The following PCED1B variants were observed in gnomAD, a reference collection of about 807,000 sequenced individuals.
The protein encoded by PCED1B is PC-esterase domain-containing protein 1B.
For missense variants in PCED1B, 573 were observed against 573.9 expected (o/e 1.00, Z 0.02); for synonymous variants, 251 against 246.1 (o/e 1.02, Z -0.19).
At chr12:47,225,438 T>A (rs1426513907) in intron 3 of PCED1B, among the ~76,000 whole-genome samples, 1 of 152,220 alleles carries the variant, frequency 6.6e-6, no homozygotes, top group Non-Finnish European at 1.5e-5. Context: ...CACAAGTCAC[T>A]AAGTTTTCCC....
intron 2 of PCED1B, among the ~76,000 whole-genome samples, chr12:47,162,896 C>T (rs1281790805): frequency 3.3e-5 from 5 of 152,094 alleles, no homozygotes; most frequent in Admixed American, 6.5e-5. Context: ...TTTGCAAGAT[C>T]GCTTTGGCTA....
chr12:47,150,944 T>TATATTAATTTA (rs1940969177), intron 2 of PCED1B, among the ~76,000 whole-genome samples: 1 of 152,132 alleles, frequency 6.6e-6, no homozygotes, highest in East Asian at 1.9e-4. Context: ...TTTTTTAAAT[T>TATATTAATTTA]AATATAAATG....
chr12:47,221,610 C>A (rs532089785), intron 3 of PCED1B, among the ~76,000 whole-genome samples: 3 of 152,222 alleles, frequency 2.0e-5, no homozygotes, highest in Admixed American at 6.5e-5. Context: ...ATATTTCCAC[C>A]CAATTATGTA....
intron 2 of PCED1B, among the ~76,000 whole-genome samples, chr12:47,128,092 T>C (rs1054765183): frequency 6.6e-6 from 1 of 152,242 alleles, no homozygotes; most frequent in African/African-American, 2.4e-5. Flanking sequence ...GAAAAGTTAT[T>C]CTGTAAATTT....
rs76326241 is a variant in PCED1B, at chr12:47,186,848, A to G, written c.-525-29374A>G. On this transcript the variant is annotated intron_variant, in intron 2 of 3. Transcript: ENST00000546455. The stretch of plus-strand genomic sequence containing the variant: ...TAACACAGCACAAAATCTTGTCTTT[A>G]CTTAGGATATCTCCAGCTGATTTCT... Among the ~76,000 whole-genome samples, 497 of 152,292 alleles carry G rather than the reference A, an allele frequency of 3.3e-3. 3 individuals carry two copies. The highest frequency in any genetic ancestry group is 9.1e-3 in the African/African-American group (378 of 41,558).
intron 3 of PCED1B, among the ~76,000 whole-genome samples, chr12:47,231,210 G>A (rs757690471): frequency 6.6e-6 from 1 of 152,100 alleles, no homozygotes. Context: ...AGAGAAGCGC[G>A]TATGTTTTAT....
intron 1 of PCED1B, among the ~76,000 whole-genome samples, chr12:47,092,659 G>A (rs938037766): frequency 6.6e-6 from 1 of 152,014 alleles, no homozygotes. Flanking sequence ...CGGATATTTT[G>A]TAGATATTCT....
At chr12:47,233,568 A>G (rs73112225) in intron 3 of PCED1B, among the ~76,000 whole-genome samples, 3,726 of 152,282 alleles carry the variant, frequency 0.024, 53 homozygotes, top group Middle Eastern at 0.048. Flanking sequence ...GATAAGGGCT[A>G]TTGTAGTAAG....
At chr12:47,171,888 TTCTTCTTCC>T (rs1177701902) in intron 2 of PCED1B, among the ~76,000 whole-genome samples, 65 of 148,906 alleles carry the variant, frequency 4.4e-4, no homozygotes, top group African/African-American at 1.4e-3. Context: ...TTTCTTCTTC[TTCTTCTTCC>T]TCTTCTTCCT....
intron 2 of PCED1B, among the ~76,000 whole-genome samples, chr12:47,192,951 C>T (rs977270653): frequency 5.9e-5 from 9 of 152,164 alleles, no homozygotes; most frequent in African/African-American, 7.2e-5. Context: ...TCTTTCCTCA[C>T]GTCTACATGA....
chr12:47,097,249 T>C (rs2137200158), intron 1 of PCED1B, among the ~76,000 whole-genome samples: 1 of 152,348 alleles, frequency 6.6e-6, no homozygotes, highest in Admixed American at 6.5e-5. Context: ...TAAAGATAAA[T>C]GTACCTGTAG....
At chr12:47,181,142 C>T (rs887167608) in intron 2 of PCED1B, among the ~76,000 whole-genome samples, 4 of 151,926 alleles carry the variant, frequency 2.6e-5, no homozygotes, top group African/African-American at 9.7e-5. Flanking sequence ...TGCTGCCACG[C>T]CTGGCTCATT....
chr12:47,084,234 T>C (rs1483322883), intron 1 of PCED1B, among the ~76,000 whole-genome samples: 1 of 152,204 alleles, frequency 6.6e-6, no homozygotes, highest in Non-Finnish European at 1.5e-5. Context: ...AAAGTCTATA[T>C]TATATTTAAA....
At chr12:47,156,888 T>C (rs1941211412) in intron 2 of PCED1B, among the ~76,000 whole-genome samples, 2 of 152,112 alleles carry the variant, frequency 1.3e-5, no homozygotes, top group Non-Finnish European at 2.9e-5. Flanking sequence ...TCTCTAAGCC[T>C]CAGCTTCCCC....
intron 2 of PCED1B, among the ~76,000 whole-genome samples, chr12:47,189,641 A>G (rs1942383214): frequency 6.6e-6 from 1 of 152,170 alleles, no homozygotes; most frequent in South Asian, 2.1e-4. Flanking sequence ...CTTACTTGCA[A>G]GGTCTTATTT....
At chr12:47,173,258 G>C (rs1201649667) in intron 2 of PCED1B, among the ~76,000 whole-genome samples, 1 of 152,168 alleles carries the variant, frequency 6.6e-6, no homozygotes, top group African/African-American at 2.4e-5. Context: ...TTTATCTCCT[G>C]TATGTTTCTT....
At chr12:47,129,060 T>C (rs1284980982) in intron 2 of PCED1B, among the ~76,000 whole-genome samples, 1 of 152,234 alleles carries the variant, frequency 6.6e-6, no homozygotes, top group Non-Finnish European at 1.5e-5. Flanking sequence ...CTTCTTTCCT[T>C]TCATTGTTCC....
At chr12:47,169,897 CT>C (rs35457537) in intron 2 of PCED1B, among the ~76,000 whole-genome samples, 81,542 of 100,454 alleles carry the variant, frequency 0.81, 33,470 homozygotes, top group Non-Finnish European at 0.89. Context: ...TATTACTCAT[CT>C]TTTTTTTTTT....
At chr12:47,154,971 C>T (rs780137321) in intron 2 of PCED1B, among the ~76,000 whole-genome samples, 1 of 151,938 alleles carries the variant, frequency 6.6e-6, no homozygotes, top group Non-Finnish European at 1.5e-5. Flanking sequence ...AGCAGGAATC[C>T]ATGGGGTGGG....
Sources: allele counts gnomAD v4.1 joint callset (sites outside exome capture counted in the v4.1 genomes callset), GRCh38; gene constraint gnomAD v4.1.1; transcripts MANE v1.5; gene names NCBI Gene and HGNC (gene_info 2026-07-23, HGNC 2026-07-21).